Variants in ITPR1 observed in about 807,000 individuals in gnomAD.
The protein encoded by ITPR1 is inositol 1,4,5-trisphosphate-gated calcium channel ITPR1.
In ITPR1, 96 loss-of-function variants were observed where a neutral mutation model predicts 318.4. That is an observed-to-expected ratio of 0.30 (90% CI 0.26 to 0.36). The LOEUF (loss-of-function observed/expected upper bound fraction) is 0.36. ITPR1 is among the 10% of genes least tolerant of loss of function. The pLI, the probability that ITPR1 is intolerant of heterozygous loss-of-function variation, is 1.00. For missense variants in ITPR1, 2,440 were observed against 3,460.2 expected (o/e 0.71, Z 7.40); for synonymous variants, 1,312 against 1,289.9 (o/e 1.02, Z -0.37).
At chr3:4,691,053 G>A in intron 31 of ITPR1, 91 bp from the exon 32 acceptor site, 1 of 790,880 alleles carries the variant, frequency 1.3e-6, no homozygotes, top group Non-Finnish European at 1.9e-6. Context: ...CCTTGTGTGT[G>A]TTTCAGTGGA....
In ITPR1 at chr3:4,592,892, T is replaced by A. The variant is rs567011521; in HGVS notation, c.164-34871T>A. Among the ~76,000 whole-genome samples, 31 of 152,086 alleles carry A rather than the reference T, an allele frequency of 2.0e-4. 1 individual carries two copies. The South Asian group carries it at 6.4e-3, about 32-fold the overall frequency. ...TCCATCCAAATACAGGGACTCTGAG[T>A]GGTGGGAGACTGGTTCCCTTAGGAA... On this transcript the variant is annotated intron_variant, in intron 4 of 61. Transcript: ENST00000649015.
At chr3:4,803,027 G>A (rs1028994245) in intron 54 of ITPR1, among the ~76,000 whole-genome samples, 8 of 152,184 alleles carry the variant, frequency 5.3e-5, no homozygotes, top group African/African-American at 7.2e-5. Flanking sequence ...TTGAGGTTTT[G>A]CAGCTGTACA....
Position 4,814,413 on chromosome 3 carries a change from G to A in ITPR1, c.7562-10G>A, listed in dbSNP as rs371836569. 5.4e-5 allele frequency: 87 copies of A among 1,613,802 alleles called. No individual in the cohort carries two copies. Among genetic ancestry groups the A allele is most frequent in the Non-Finnish European group, 6.4e-5 (76 of 1,179,800 alleles). On this transcript the variant is annotated splice_polypyrimidine_tract_variant and intron_variant, in intron 57 of 61. Transcript: ENST00000649015. ...CGTTTTCTCTCTGTTGTTACTTGCC[G>A]TGTTCACAGAGCTGGTCCCTGCAGA...
intron 4 of ITPR1, among the ~76,000 whole-genome samples, chr3:4,588,589 T>C (rs1434876167): frequency 3.3e-5 from 5 of 152,122 alleles, no homozygotes; most frequent in Admixed American, 2.0e-4. Context: ...CTGTGTTCAC[T>C]CTCTAGATGA....
At chr3:4,500,765 A>G (rs1307941869) in intron 2 of ITPR1, among the ~76,000 whole-genome samples, 2 of 152,170 alleles carry the variant, frequency 1.3e-5, no homozygotes, top group East Asian at 1.9e-4. Context: ...ATGAGCAGGA[A>G]TGTTACTCTT....
At chr3:4,796,492 C>T (rs918384335) in intron 53 of ITPR1, among the ~76,000 whole-genome samples, 8 of 152,180 alleles carry the variant, frequency 5.3e-5, no homozygotes, top group Non-Finnish European at 7.3e-5. Context: ...GCCCAGGTCT[C>T]CTTTCGCCTC....
At chr3:4,845,033 A>C (rs2051655410) in intron 61 of ITPR1, among the ~76,000 whole-genome samples, 1 of 152,238 alleles carries the variant, frequency 6.6e-6, no homozygotes, top group South Asian at 2.1e-4. Context: ...TATGCTAATA[A>C]ATTTGCGTAT....
chr3:4,537,556 T>C (rs1319171971), intron 4 of ITPR1, among the ~76,000 whole-genome samples: 1 of 152,198 alleles, frequency 6.6e-6, no homozygotes, highest in Non-Finnish European at 1.5e-5. Flanking sequence ...ATTAAGGCTC[T>C]TGAGATGGGG....
chr3:4,493,964 A>AATGT (rs1301541779), intron 1 of ITPR1, among the ~76,000 whole-genome samples: 1 of 151,652 alleles, frequency 6.6e-6, no homozygotes, highest in East Asian at 1.9e-4. Context: ...TCTTTCTAAA[A>AATGT]ATGTATCCCT....
chr3:4,547,594 C>CATTT (rs1457884040), intron 4 of ITPR1, among the ~76,000 whole-genome samples: 3 of 152,180 alleles, frequency 2.0e-5, no homozygotes, highest in African/African-American at 4.8e-5. Context: ...CTGGCTTTAC[C>CATTT]ATTTATTACA....
intron 60 of ITPR1, among the ~76,000 whole-genome samples, chr3:4,821,526 G>A (rs1202315421): frequency 6.6e-6 from 1 of 152,232 alleles, no homozygotes; most frequent in African/African-American, 2.4e-5. Context: ...ACTGTATTGA[G>A]AAGGGTTCTT....
chr3:4,512,752 T>G (rs1157345359), intron 2 of ITPR1, among the ~76,000 whole-genome samples: 1 of 152,176 alleles, frequency 6.6e-6, no homozygotes, highest in Non-Finnish European at 1.5e-5. Context: ...TTTCACCCAT[T>G]GCTCACCACA....
chr3:4,543,013 T>A (rs2084615962), intron 4 of ITPR1, among the ~76,000 whole-genome samples: 1 of 152,216 alleles, frequency 6.6e-6, no homozygotes. Context: ...TGTCTCACTG[T>A]CATTTTCTGT....
In ITPR1 at chr3:4,669,786, CCAGGGT is replaced by C; in HGVS notation, c.2006+14_2006+19del. On this transcript the variant is annotated intron_variant, in intron 19 of 61. Transcript: ENST00000649015. Reference sequence around the variant, plus strand: ...TGATTGAGACCAAGTGAGTGGGGAGCCAGGGTTTAGATGGAAAACATGGGGTTCATT... The same window carrying C: ...TGATTGAGACCAAGTGAGTGGGGAGCTTAGATGGAAAACATGGGGTTCATT... 1 of 1,601,460 alleles carries C rather than the reference CCAGGGT, an allele frequency of 6.2e-7. No individual in the cohort carries two copies.
At chr3:4,752,999 G>A (rs566043230) in intron 44 of ITPR1, among the ~76,000 whole-genome samples, 14 of 152,266 alleles carry the variant, frequency 9.2e-5, no homozygotes, top group African/African-American at 3.1e-4. Context: ...GCAAACAGGC[G>A]CCACGAAGCG....
At chr3:4,808,598 G>C (rs1334603834) in intron 55 of ITPR1, among the ~76,000 whole-genome samples, 1 of 152,192 alleles carries the variant, frequency 6.6e-6, no homozygotes, top group African/African-American at 2.4e-5. Context: ...TGTGGACCTT[G>C]ACTTGTTTGT....
At chr3:4,744,928 CCTTCCT>C (rs2043976599) in intron 44 of ITPR1, among the ~76,000 whole-genome samples, 1 of 118,066 alleles carries the variant, frequency 8.5e-6, no homozygotes, top group Non-Finnish European at 1.8e-5. Context: ...TTCCTTCCTT[CCTTCCT>C]TCCTTCCTTC....
chr3:4,569,290 T>A (rs891626593), intron 4 of ITPR1, among the ~76,000 whole-genome samples: 1 of 152,262 alleles, frequency 6.6e-6, no homozygotes, highest in Non-Finnish European at 1.5e-5. Flanking sequence ...GTGTGGAAGA[T>A]GTGTTTCCTT....
intron 52 of ITPR1, among the ~76,000 whole-genome samples, chr3:4,788,415 A>C (rs6442908): frequency 6.6e-6 from 1 of 152,154 alleles, no homozygotes; most frequent in Non-Finnish European, 1.5e-5. Flanking sequence ...GCCTCTTTTG[A>C]TATCTCTATC....
Sources: allele counts gnomAD v4.1 joint callset (sites outside exome capture counted in the v4.1 genomes callset), GRCh38; gene constraint gnomAD v4.1.1; transcripts MANE v1.5; gene names NCBI Gene and HGNC (gene_info 2026-07-23, HGNC 2026-07-21).